DNAH11: variants seen among roughly 807,000 people sequenced by gnomAD.
DNAH11 encodes axonemal beta dynein heavy chain 11.
DNAH11 carries 442 observed loss-of-function variants against 526.0 expected under a neutral mutation model. The ratio of observed to expected loss-of-function variants is 0.84; its 90% CI spans 0.78 to 0.91. DNAH11 has a LOEUF of 0.91. DNAH11 is among the 40% of genes least tolerant of loss of function. The probability of loss-of-function intolerance (pLI) is 0.00; values close to 1 mark genes in which losing one functional copy is unlikely to be tolerated. For synonymous variants in DNAH11, 2,461 were observed against 1,935.9 expected (o/e 1.27, Z -7.12); for missense variants, 6,989 against 5,448.7 (o/e 1.28, Z -8.90).
In DNAH11 at chr7:21,749,730, T is replaced by A. The variant is rs2128492920; in HGVS notation, c.8726T>A (p.Val2909Glu). 1 of 1,614,030 alleles carries A rather than the reference T, an allele frequency of 6.2e-7. No individual in the cohort carries two copies. Among genetic ancestry groups the A allele is most frequent in the Non-Finnish European group, 8.5e-7 (1 of 1,179,874 alleles). Residue 2909 changes from valine (V) to glutamate (E), a missense_variant, in exon 53 of 82, where the codon GTG becomes GAG. Coordinates refer to ENST00000409508, the MANE Select transcript of DNAH11 (RefSeq NM_001277115.2). ...IRTGAKNMPT[V>E]FLLTDAQVLD... ...ACTGGAGCCAAGAACATGCCCACTGTGTTCCTGCTGACAGATGCCCAGGTT... is the reference window on the plus strand; with the variant it reads ...ACTGGAGCCAAGAACATGCCCACTGAGTTCCTGCTGACAGATGCCCAGGTT...
chr7:21,709,293 A>G (rs1562501748), intron 40 of DNAH11, among the ~76,000 whole-genome samples: 1 of 152,186 alleles, frequency 6.6e-6, no homozygotes, highest in Non-Finnish European at 1.5e-5. Context: ...GTAGCTGGAG[A>G]CCATTATCCT....
intron 14 of DNAH11, among the ~76,000 whole-genome samples, chr7:21,597,570 G>A (rs1245561376): frequency 6.6e-6 from 1 of 152,150 alleles, no homozygotes; most frequent in Non-Finnish European, 1.5e-5. Context: ...CTTACATGGT[G>A]GCAGGAGAGA....
intron 63 of DNAH11, among the ~76,000 whole-genome samples, chr7:21,814,338 T>C (rs1220947405): frequency 1.2e-5 from 1 of 84,778 alleles, no homozygotes; most frequent in East Asian, 1.3e-3. Flanking sequence ...ATTTATTTTA[T>C]TTATTTATTT....
rs545587046 is a variant in DNAH11 at position 21,621,754 on chromosome 7, C to T, written c.4500+1676C>T. On this transcript the variant is annotated intron_variant, in intron 25 of 81. Coordinates refer to ENST00000409508, the MANE Select transcript of DNAH11 (RefSeq NM_001277115.2). ...TTATCTCAATAGATGCAGAAAAGGC[C>T]TTTGACAAAATTCAACAACCTTCAT... 3.8e-4 allele frequency among the ~76,000 whole-genome samples: 58 copies of T among 152,164 alleles called. 1 individual carries two copies. In the South Asian group the frequency reaches 4.2e-3, roughly 11 times the overall value.
chr7:21,564,449 T>C, intron 6 of DNAH11, 52 bp downstream of exon 6: 2 of 1,395,246 alleles, frequency 1.4e-6, no homozygotes, highest in Non-Finnish European at 2.0e-6. Context: ...GTGAGGTAGG[T>C]TTTACGAGAC....
At chr7:21,739,252 G>A (rs1254496180) in intron 47 of DNAH11, among the ~76,000 whole-genome samples, 1 of 152,168 alleles carries the variant, frequency 6.6e-6, no homozygotes, top group Non-Finnish European at 1.5e-5. Context: ...TAACTACAGG[G>A]ACAGCCCCCA....
At chr7:21,840,966 G>T (rs1006541907) in intron 65 of DNAH11, among the ~76,000 whole-genome samples, 8 of 152,148 alleles carry the variant, frequency 5.3e-5, no homozygotes, top group African/African-American at 1.9e-4. Context: ...TGGATCACCT[G>T]AGGTCAGTAG....
intron 63 of DNAH11, among the ~76,000 whole-genome samples, chr7:21,812,190 G>A (rs1178773192): frequency 1.3e-5 from 2 of 152,204 alleles, no homozygotes; most frequent in African/African-American, 2.4e-5. Context: ...TTGGAAAGGC[G>A]AGAAAGACCA....
chr7:21,630,638 A>T (rs577311664), intron 25 of DNAH11, among the ~76,000 whole-genome samples: 1 of 152,344 alleles, frequency 6.6e-6, no homozygotes, highest in South Asian at 2.1e-4. Context: ...TAGCACTTTG[A>T]AAATGTCATT....
At chr7:21,698,884 A>G (rs1485452710) in intron 36 of DNAH11, among the ~76,000 whole-genome samples, 1 of 152,130 alleles carries the variant, frequency 6.6e-6, no homozygotes, top group Non-Finnish European at 1.5e-5. Flanking sequence ...TAAAACTACC[A>G]TTTCATTTGA....
chr7:21,691,300 T>C (rs892635331), intron 35 of DNAH11, among the ~76,000 whole-genome samples: 1 of 151,186 alleles, frequency 6.6e-6, no homozygotes, highest in Non-Finnish European at 1.5e-5. Flanking sequence ...CCTTGGCCAG[T>C]ATTTGGTAGC....
At chr7:21,545,413 C>T (rs1782771205) in intron 2 of DNAH11, among the ~76,000 whole-genome samples, 1 of 151,428 alleles carries the variant, frequency 6.6e-6, no homozygotes, top group African/African-American at 2.4e-5. Flanking sequence ...TTGCAGGGAT[C>T]ATTCTCTCCC....
Position 21,570,260 on chromosome 7 carries a change from C to G in DNAH11, c.1386C>G (p.Cys462Trp), listed in dbSNP as rs772549859. Residue 462 changes from cysteine to tryptophan, a missense_variant, in exon 7 of 82, where the codon TGC becomes TGG. Coordinates refer to ENST00000409508, the MANE Select transcript of DNAH11 (RefSeq NM_001277115.2). Reference sequence around the variant, plus strand: ...ATTTCCAGTCTCATCTGGTGTTTTGCAGATTTGACAAGTTTCTTGATCGTT... The same window carrying G: ...ATTTCCAGTCTCATCTGGTGTTTTGGAGATTTGACAAGTTTCTTGATCGTT... The part of the protein sequence containing the change: ...PWDFQSHLVF[C>W]RFDKFLDRLI... 6.2e-7 allele frequency: 1 copy of G among 1,610,136 alleles called. No homozygotes were observed. The highest frequency in any genetic ancestry group is 1.1e-5 in the South Asian group (1 of 89,940).
intron 36 of DNAH11, among the ~76,000 whole-genome samples, chr7:21,698,682 G>A (rs1462473396): frequency 2.0e-5 from 3 of 152,168 alleles, no homozygotes; most frequent in Non-Finnish European, 4.4e-5. Context: ...ATTCCATGGT[G>A]TATATATACC....
intron 6 of DNAH11, among the ~76,000 whole-genome samples, chr7:21,568,270 G>T (rs1783751689): frequency 6.6e-6 from 1 of 152,142 alleles, no homozygotes; most frequent in African/African-American, 2.4e-5. Context: ...TAGCTTGTTT[G>T]TGCTGGTACC....
chr7:21,766,781 G>A (rs1384392583), intron 55 of DNAH11, among the ~76,000 whole-genome samples: 1 of 151,084 alleles, frequency 6.6e-6, no homozygotes. Context: ...AGAATTTTGT[G>A]GAGGGAGACC....
intron 65 of DNAH11, among the ~76,000 whole-genome samples, chr7:21,827,914 T>A (rs959981563): frequency 1.3e-5 from 2 of 152,140 alleles, no homozygotes; most frequent in Non-Finnish European, 2.9e-5. Context: ...TAGAATGTAC[T>A]TTCTTGAGCT....
intron 65 of DNAH11, among the ~76,000 whole-genome samples, chr7:21,825,626 T>C (rs995693455): frequency 2.6e-5 from 4 of 151,910 alleles, no homozygotes; most frequent in African/African-American, 4.9e-5. Context: ...CTTTTTTTTT[T>C]TCCCACTTTT....
chr7:21,704,255 G>C (rs1784172893), intron 37 of DNAH11, among the ~76,000 whole-genome samples, 179 bp from the exon 38 acceptor site: 1 of 152,182 alleles, frequency 6.6e-6, no homozygotes, highest in South Asian at 2.1e-4. Flanking sequence ...GCCTTCTCAT[G>C]TTCTGATACA....
Sources: allele counts gnomAD v4.1 joint callset (sites outside exome capture counted in the v4.1 genomes callset), GRCh38; gene constraint gnomAD v4.1.1; transcripts MANE v1.5; gene names NCBI Gene and HGNC (gene_info 2026-07-23, HGNC 2026-07-21).